Variants in RHOBTB1 observed in about 807,000 individuals in gnomAD.
The protein encoded by RHOBTB1 is Rho related BTB domain containing 1.
A neutral mutation model predicts 71.6 loss-of-function variants in RHOBTB1; 40 were observed. That is an observed-to-expected ratio of 0.56 (90% CI 0.43 to 0.73). The LOEUF (loss-of-function observed/expected upper bound fraction) is 0.73. Among genes scored for constraint, RHOBTB1 ranks in the 30% least tolerant of loss-of-function variants. The probability of loss-of-function intolerance (pLI) is 0.00; values close to 1 mark genes in which losing one functional copy is unlikely to be tolerated. For missense variants in RHOBTB1, 797 were observed against 894.0 expected, an observed-to-expected ratio of 0.89 and a Z score of 1.38; for synonymous variants, 319 against 334.9, an observed-to-expected ratio of 0.95 and a Z score of 0.52.
At chr10:60,872,073 G>T in intron 10 of RHOBTB1, 112 bp downstream of exon 10, 1 of 814,646 alleles carries the variant, frequency 1.2e-6, no homozygotes, top group Non-Finnish European at 2.2e-6. Context: ...CAGTCTCGAG[G>T]AATCATCCAT....
chr10:60,892,733 A>C, intron 5 of RHOBTB1, 77 bp downstream of exon 5: 1 of 1,285,088 alleles, frequency 7.8e-7, no homozygotes, highest in Non-Finnish European at 1.1e-6. Context: ...AGAGCAGAAC[A>C]CCAGGCTACA....
chr10:60,918,495 C>A (rs2083386618), intron 2 of RHOBTB1, among the ~76,000 whole-genome samples: 1 of 152,188 alleles, frequency 6.6e-6, no homozygotes, highest in African/African-American at 2.4e-5. Context: ...GGCACTGTGG[C>A]TGATGTACTT....
chr10:60,946,783 C>T (rs2085252221), upstream of RHOBTB1, among the ~76,000 whole-genome samples: 1 of 152,196 alleles, frequency 6.6e-6, no homozygotes, highest in Non-Finnish European at 1.5e-5. Flanking sequence ...TCTTGACCTC[C>T]ACCCCCAGGG....
intron 2 of RHOBTB1, among the ~76,000 whole-genome samples, chr10:60,955,101 G>C (rs1317661058): frequency 7.3e-6 from 1 of 137,598 alleles, no homozygotes. Context: ...CTGGAATGCA[G>C]TGGTGCCATC....
rs1321997763 is a variant in RHOBTB1 at position 60,869,721 on chromosome 10, A to C, written c.*1761T>G. ...CCATTTTATGGTGGGATACATGTCAATTCTTCCACATCTTGTCTCCTTTCT... is the reference window on the plus strand; with the variant it reads ...CCATTTTATGGTGGGATACATGTCACTTCTTCCACATCTTGTCTCCTTTCT... On this transcript the variant is annotated 3_prime_UTR_variant, in exon 11 of 11. Coordinates refer to ENST00000337910, the MANE Select transcript of RHOBTB1 (RefSeq NM_014836.5). 1 of 152,628 alleles carries C rather than the reference A, an allele frequency of 6.6e-6. No individual in the cohort carries two copies. The highest frequency in any genetic ancestry group is 6.5e-5 in the Admixed American group (1 of 15,280). The allele number at this position is 152,628 out of a possible 1,614,324, so 9.5% of individuals were successfully genotyped here.
In RHOBTB1 at chr10:60,977,380, T is replaced by C. The variant is rs184633858; in HGVS notation, c.-62+8465A>G. On this transcript the variant is annotated intron_variant, in intron 2 of 11. Transcript: ENST00000357917. ...TAACATGTCACTTATGTATGGCTGC[T>C]TATGCTCCTCCATACAAGCAGCTAA... Among the ~76,000 whole-genome samples, 20 of 152,124 alleles carry C rather than the reference T, an allele frequency of 1.3e-4. No individual in the cohort carries two copies. In the East Asian group the frequency reaches 3.9e-3, roughly 29 times the overall value.
intron 2 of RHOBTB1, among the ~76,000 whole-genome samples, chr10:60,961,109 C>T (rs1268542030): frequency 6.6e-6 from 1 of 152,124 alleles, no homozygotes; most frequent in East Asian, 1.9e-4. Context: ...CTGTCATTCT[C>T]AAAGGACCCT....
intron 2 of RHOBTB1, among the ~76,000 whole-genome samples, chr10:60,962,994 C>A (rs555294896): frequency 6.6e-6 from 1 of 152,230 alleles, no homozygotes; most frequent in African/African-American, 2.4e-5. Flanking sequence ...TATTTTCTAA[C>A]ATCTAAATAG....
intron 2 of RHOBTB1, among the ~76,000 whole-genome samples, chr10:60,977,496 T>A (rs2086354569): frequency 6.6e-6 from 1 of 152,226 alleles, no homozygotes; most frequent in Non-Finnish European, 1.5e-5. Flanking sequence ...CCAAAAAAGA[T>A]GTCTCATGAT....
At chr10:60,996,198 C>A (rs551046875) in intron 1 of RHOBTB1, among the ~76,000 whole-genome samples, 3 of 152,108 alleles carry the variant, frequency 2.0e-5, no homozygotes, top group Non-Finnish European at 4.4e-5. Flanking sequence ...CATGTTCTCC[C>A]CACTTACATA....
At chr10:60,956,943 G>A (rs2085615487) in intron 2 of RHOBTB1, among the ~76,000 whole-genome samples, 1 of 152,162 alleles carries the variant, frequency 6.6e-6, no homozygotes, top group African/African-American at 2.4e-5. Context: ...CATCAAACTT[G>A]TTTACAGCTT....
At chr10:60,977,869 C>T (rs2086365686) in intron 2 of RHOBTB1, among the ~76,000 whole-genome samples, 2 of 151,922 alleles carry the variant, frequency 1.3e-5, no homozygotes, top group South Asian at 4.2e-4. Context: ...AAATAAATAC[C>T]AACTCACACT....
At position 60,871,518 on chromosome 10, in the gene RHOBTB1, CT is replaced by C; in HGVS notation, c.2054del (p.Lys685SerfsTer47). ...CTGGAGATGAATTCCAGAAGCACCA[CT>C]TTCGTCTTGAGCGATGCTTATTTAG... ...IALNKHRSRR[K>X]WCFWNSSPAV... On this transcript the variant is annotated frameshift_variant, in exon 11 of 11. Coordinates refer to ENST00000337910, the MANE Select transcript of RHOBTB1 (RefSeq NM_014836.5). LOFTEE classifies it high-confidence loss of function. The C allele has an allele frequency of 6.2e-7, 1 of 1,614,142 alleles. No individual in the cohort carries two copies. The highest frequency in any genetic ancestry group is 8.5e-7 in the Non-Finnish European group (1 of 1,180,000).
chr10:60,880,288 T>C (rs2081271324), intron 7 of RHOBTB1, among the ~76,000 whole-genome samples: 1 of 151,570 alleles, frequency 6.6e-6, no homozygotes, highest in South Asian at 2.1e-4. Flanking sequence ...AGAGAGTGTA[T>C]GTATGTATAA....
chr10:60,875,947 C>A (rs7083122), intron 8 of RHOBTB1, among the ~76,000 whole-genome samples: 41,308 of 152,098 alleles, frequency 0.27, 6,851 homozygotes, highest in African/African-American at 0.47. Context: ...TGTAGCATTG[C>A]ATTTGTTCTT....
At chr10:60,922,000 AG>A (rs1393833615) in intron 2 of RHOBTB1, among the ~76,000 whole-genome samples, 4 of 152,168 alleles carry the variant, frequency 2.6e-5, no homozygotes. Context: ...TGCAGGCAGG[AG>A]GGGCATAGGA....
chr10:60,880,558 T>C (rs1399861821), intron 7 of RHOBTB1, among the ~76,000 whole-genome samples: 1 of 152,176 alleles, frequency 6.6e-6, no homozygotes, highest in Non-Finnish European at 1.5e-5. Context: ...ATTCCATAAA[T>C]AAGTTACATA....
chr10:60,906,977 T>C (rs1330406680), intron 4 of RHOBTB1, among the ~76,000 whole-genome samples: 1 of 152,212 alleles, frequency 6.6e-6, no homozygotes, highest in East Asian at 1.9e-4. Context: ...TGAGAGCAGG[T>C]CTTTCTCATG....
intron 2 of RHOBTB1, among the ~76,000 whole-genome samples, chr10:60,921,014 A>G (rs1029011867): frequency 3.3e-5 from 5 of 149,634 alleles, no homozygotes; most frequent in African/African-American, 1.2e-4. Flanking sequence ...GTGCAATCAC[A>G]TGATAGCTCA....
Sources: gnomAD v4.1 joint callset for allele counts (sites outside exome capture counted in the v4.1 genomes callset) on GRCh38, gnomAD v4.1.1 for gene constraint, MANE v1.5 for transcripts, NCBI Gene and HGNC (gene_info 2026-07-23, HGNC 2026-07-21) for gene names.